ITCH: variants seen among roughly 807,000 people sequenced by gnomAD.
The protein encoded by ITCH is E3 ubiquitin-protein ligase Itchy homolog.
Under a neutral mutation model 126.8 loss-of-function variants are expected in ITCH, and 28 were observed. The observed-to-expected ratio is 0.22, with a 90% confidence interval of 0.16 to 0.30. The LOEUF (loss-of-function observed/expected upper bound fraction) is 0.30. ITCH is among the 10% of genes least tolerant of loss of function. ITCH has a pLI of 1.00. For missense variants in ITCH, 631 were observed against 1,032.4 expected (o/e 0.61, Z 5.33); for synonymous variants, 342 against 340.0 (o/e 1.01, Z -0.06).
At chr20:34,489,470 T>G in intron 21 of ITCH, 84 bp downstream of exon 21, 2 of 1,303,538 alleles carry the variant, frequency 1.5e-6, no homozygotes, top group Non-Finnish European at 2.2e-6. Context: ...TTCCCATCTT[T>G]CCTGTTACTG....
intron 10 of ITCH, among the ~76,000 whole-genome samples, chr20:34,443,684 C>T (rs963972437): frequency 8.5e-5 from 13 of 152,050 alleles, no homozygotes; most frequent in South Asian, 2.1e-4. Flanking sequence ...AGGAACTTTA[C>T]GTTGTTAGTT....
chr20:34,381,402 C>T (rs1337823335), intron 2 of ITCH, among the ~76,000 whole-genome samples: 1 of 151,300 alleles, frequency 6.6e-6, no homozygotes, highest in Non-Finnish European at 1.5e-5. Flanking sequence ...CCTGCTGGGA[C>T]TACAGGTGTG....
Position 34,471,521 on chromosome 20 carries a change from G to A in ITCH, c.1569+6G>A, listed in dbSNP as rs192681509. 20 of 1,556,414 alleles carry A rather than the reference G, an allele frequency of 1.3e-5. No individual in the cohort carries two copies. Among genetic ancestry groups the A allele is most frequent in the Non-Finnish European group, 1.7e-5 (19 of 1,127,444 alleles). Reference sequence around the variant, plus strand: ...TTGAGGATTCCTTTCAACAGGTACTGTTTCATTCTCTCAATAATTTCCCCC... The same window carrying A: ...TTGAGGATTCCTTTCAACAGGTACTATTTCATTCTCTCAATAATTTCCCCC... On this transcript the variant is annotated splice_donor_region_variant and intron_variant, in intron 16 of 24. Coordinates refer to ENST00000374864, the MANE Select transcript of ITCH (RefSeq NM_031483.7).
Position 34,378,431 on chromosome 20 carries a change from C to G in ITCH, c.-22+8961C>G, listed in dbSNP as rs577683964. On this transcript the variant is annotated intron_variant, in intron 2 of 24. Coordinates refer to ENST00000374864, the MANE Select transcript of ITCH (RefSeq NM_031483.7). ...GAGGTTGCAGTGAGCAGAGATTGCG[C>G]CATTGTACTCCAGCCTGGGCGATGA... is the stretch of plus-strand genomic sequence containing the variant. Among the ~76,000 whole-genome samples the G allele has an allele frequency of 1.9e-4, 26 of 136,204 alleles. No individual in the cohort carries two copies. The South Asian group carries it at 5.6e-3, about 29-fold the overall frequency. 89.4% of individuals were successfully genotyped at this position (136,204 alleles called of 152,430 possible).
chr20:34,492,200 T>C (rs994037069), intron 22 of ITCH, among the ~76,000 whole-genome samples: 1 of 152,216 alleles, frequency 6.6e-6, no homozygotes, highest in Non-Finnish European at 1.5e-5. Flanking sequence ...TAGTGTTAAG[T>C]AATTATCTAA....
At chr20:34,438,447 C>T (rs375783305) in intron 7 of ITCH, 27 bp from the exon 8 acceptor site, 1 of 1,612,308 alleles carries the variant, frequency 6.2e-7, no homozygotes, top group Non-Finnish European at 8.5e-7. Context: ...TCCCTCTCCC[C>T]CTTCCTTTTC....
intron 11 of ITCH, among the ~76,000 whole-genome samples, chr20:34,447,308 C>T (rs953460228): frequency 1.3e-5 from 2 of 151,820 alleles, no homozygotes; most frequent in East Asian, 1.9e-4. Flanking sequence ...TACATAGAAT[C>T]TAAACAGCCT....
At chr20:34,419,736 G>A (rs1980496921) in intron 6 of ITCH, among the ~76,000 whole-genome samples, 1 of 152,058 alleles carries the variant, frequency 6.6e-6, no homozygotes, top group Admixed American at 6.6e-5. Flanking sequence ...CTCGCTGCAA[G>A]CTCCGCCTTG....
intron 5 of ITCH, among the ~76,000 whole-genome samples, chr20:34,413,110 C>T (rs938346974): frequency 6.6e-6 from 1 of 151,888 alleles, no homozygotes; most frequent in African/African-American, 2.4e-5. Context: ...GTTTTGAACT[C>T]CTGGCCTCAA....
chr20:34,409,068 G>A (rs1045139052), intron 4 of ITCH, among the ~76,000 whole-genome samples: 2 of 150,040 alleles, frequency 1.3e-5, no homozygotes, highest in Admixed American at 1.3e-4. Flanking sequence ...AGAGCCCATG[G>A]TCACGGACCT....
intron 4 of ITCH, 111 bp downstream of exon 4, chr20:34,408,903 C>CT: frequency 9.2e-7 from 1 of 1,091,010 alleles, no homozygotes; most frequent in Admixed American, 2.6e-5. Context: ...TTCCTCCTTT[C>CT]TCTCTTCTTT....
Position 34,505,560 on chromosome 20 carries a change from T to C in ITCH, c.2489+1157T>C, listed in dbSNP as rs1281453869. ...ATGAATCATACGATAAATATATAAC[T>C]TTTTTTTTTTTGGAGACAGTCTCTC... On this transcript the variant is annotated intron_variant, in intron 24 of 24. Coordinates refer to ENST00000374864, the MANE Select transcript of ITCH (RefSeq NM_031483.7). Among the ~76,000 whole-genome samples, 4 of 38,516 alleles carry C rather than the reference T, an allele frequency of 1.0e-4. No homozygotes were observed. The East Asian group carries it at 2.2e-3, about 21-fold the overall frequency. The allele number at this position is 38,516 out of a possible 152,430, so 25.3% of individuals were successfully genotyped here. A position where few individuals can be genotyped will look rare whatever the true frequency, so the allele number is the denominator to read the frequency against.
At chr20:34,463,579 A>G (rs1450181029) in intron 14 of ITCH, among the ~76,000 whole-genome samples, 4 of 150,764 alleles carry the variant, frequency 2.7e-5, no homozygotes, top group Non-Finnish European at 4.4e-5. Context: ...AAGAATTCCA[A>G]TTTCTGTACG....
At chr20:34,443,326 A>G (rs1226767692) in intron 10 of ITCH, among the ~76,000 whole-genome samples, 4 of 152,016 alleles carry the variant, frequency 2.6e-5, no homozygotes, top group Admixed American at 2.6e-4. Flanking sequence ...CCTAGCCAAC[A>G]TGTTGAAACC....
intron 14 of ITCH, among the ~76,000 whole-genome samples, chr20:34,466,974 G>A (rs985540334): frequency 2.6e-5 from 4 of 151,986 alleles, no homozygotes; most frequent in African/African-American, 7.2e-5. Flanking sequence ...ACAATGGAGC[G>A]CCCAAAGCTA....
chr20:34,381,833 T>A (rs996581506), intron 2 of ITCH, among the ~76,000 whole-genome samples: 3 of 147,536 alleles, frequency 2.0e-5, no homozygotes, highest in Non-Finnish European at 3.0e-5. Flanking sequence ...CACTGTACCC[T>A]AGCTCTGTCA....
intron 9 of ITCH, among the ~76,000 whole-genome samples, chr20:34,441,288 A>G (rs549638558): frequency 5.3e-5 from 8 of 152,252 alleles, no homozygotes; most frequent in Admixed American, 1.3e-4. Context: ...AAAAAGAAAA[A>G]TCATAGCAAA....
chr20:34,448,942 A>G (rs1984812313), intron 11 of ITCH, among the ~76,000 whole-genome samples: 1 of 151,530 alleles, frequency 6.6e-6, no homozygotes, highest in African/African-American at 2.4e-5. Flanking sequence ...CTGGCAGCCC[A>G]CTCTTCCTGT....
intron 7 of ITCH, among the ~76,000 whole-genome samples, chr20:34,435,077 A>G (rs781100857): frequency 5.9e-5 from 9 of 151,968 alleles, no homozygotes; most frequent in Non-Finnish European, 1.2e-4. Flanking sequence ...CATTAAACCC[A>G]TGGTTTTACT....
Sources: gnomAD v4.1 joint callset for allele counts (sites outside exome capture counted in the v4.1 genomes callset) on GRCh38, gnomAD v4.1.1 for gene constraint, MANE v1.5 for transcripts, NCBI Gene and HGNC (gene_info 2026-07-23, HGNC 2026-07-21) for gene names.